Variants in TRIO observed in about 807,000 individuals in gnomAD.
The protein encoded by TRIO is triple functional domain protein.
A neutral mutation model predicts 351.9 loss-of-function variants in TRIO; 58 were observed. The observed-to-expected ratio is 0.16, with a 90% CI of 0.13 to 0.21. The LOEUF is 0.21. Ranked by LOEUF, TRIO falls within the 10% of genes least tolerant of loss-of-function variation. TRIO has a pLI of 1.00. For synonymous variants in TRIO, 1,758 were observed against 1,595.7 expected, an observed-to-expected ratio of 1.10 and a Z score of -2.42; for missense variants, 3,201 against 4,027.8, an observed-to-expected ratio of 0.79 and a Z score of 5.56.
chr5:14,289,550 C>CT (rs35139502), intron 4 of TRIO, among the ~76,000 whole-genome samples: 5 of 151,146 alleles, frequency 3.3e-5, no homozygotes, highest in Non-Finnish European at 5.9e-5. Flanking sequence ...CCTTTTTTTC[C>CT]TTTTTTAAAA....
At chr5:14,469,911 T>G (rs990955189) in intron 37 of TRIO, among the ~76,000 whole-genome samples, 2 of 152,206 alleles carry the variant, frequency 1.3e-5, no homozygotes, top group Admixed American at 1.3e-4. Context: ...TTTTTCTCAC[T>G]GTTCAAATGA....
intron 4 of TRIO, 101 bp downstream of exon 4, chr5:14,287,164 A>C: frequency 8.8e-7 from 1 of 1,139,146 alleles, no homozygotes; most frequent in Non-Finnish European, 1.3e-6. Context: ...CACATATTAA[A>C]CAGGAGCTGC....
intron 34 of TRIO, among the ~76,000 whole-genome samples, chr5:14,425,940 G>T (rs1040889824): frequency 2.0e-5 from 3 of 152,198 alleles, no homozygotes; most frequent in Admixed American, 6.5e-5. Context: ...CAGCAGGAAT[G>T]GACTAAGACA....
chr5:14,246,146 C>G (rs1376404541), intron 1 of TRIO, among the ~76,000 whole-genome samples: 2 of 152,114 alleles, frequency 1.3e-5, no homozygotes, highest in African/African-American at 4.8e-5. Context: ...TCGTTGTATC[C>G]TTTGAAACAA....
chr5:14,411,426 G>A (rs903975528), intron 33 of TRIO, among the ~76,000 whole-genome samples: 1 of 152,204 alleles, frequency 6.6e-6, no homozygotes, highest in Non-Finnish European at 1.5e-5. Flanking sequence ...CTGTGGAAAA[G>A]CCGGCCCGAG....
chr5:14,362,221 A>G (rs1161642970), intron 13 of TRIO, among the ~76,000 whole-genome samples: 2 of 152,194 alleles, frequency 1.3e-5, no homozygotes, highest in African/African-American at 4.8e-5. Context: ...AGACTGGTTA[A>G]GCTTCTTTGG....
chr5:14,382,523 G>A lies in TRIO; in HGVS notation c.3570+1271G>A, dbSNP rs564599282. ...CAAGAAGACCCGGCCCAGGGTGGGG[G>A]TGTGGTGAGCACTGGGGGAGGGCAG... On this transcript the variant is annotated intron_variant, in intron 21 of 56. Transcript: ENST00000344204. Among the ~76,000 whole-genome samples the A allele has an allele frequency of 7.9e-5, 12 of 152,266 alleles. No homozygotes were observed. In the East Asian group the frequency reaches 9.7e-4, roughly 12 times the overall value.
chr5:14,303,661 G>A (rs1363883515), intron 7 of TRIO, among the ~76,000 whole-genome samples: 3 of 151,724 alleles, frequency 2.0e-5, no homozygotes, highest in African/African-American at 4.8e-5. Flanking sequence ...ATTGAGCCAG[G>A]ATTGGGATGG....
chr5:14,258,224 C>G (rs1357012077), intron 1 of TRIO, among the ~76,000 whole-genome samples: 2 of 152,242 alleles, frequency 1.3e-5, no homozygotes, highest in East Asian at 3.9e-4. Flanking sequence ...CCTCTCCACA[C>G]CTCATCCCCA....
intron 34 of TRIO, among the ~76,000 whole-genome samples, chr5:14,423,976 G>C (rs923426330): frequency 3.0e-5 from 4 of 133,016 alleles, no homozygotes; most frequent in African/African-American, 5.9e-5. Flanking sequence ...CCAGGAGTTT[G>C]AGACTACAGT....
At chr5:14,462,025 A>G (rs894602430) in intron 35 of TRIO, among the ~76,000 whole-genome samples, 5 of 152,218 alleles carry the variant, frequency 3.3e-5, no homozygotes, top group Non-Finnish European at 4.4e-5. Flanking sequence ...GGTGGTGTCA[A>G]TGAGGGGTCC....
At chr5:14,365,549 C>T (rs1744521572) in intron 15 of TRIO, among the ~76,000 whole-genome samples, 1 of 152,184 alleles carries the variant, frequency 6.6e-6, no homozygotes, top group Non-Finnish European at 1.5e-5. Context: ...ATGCCATCTG[C>T]AGTGTGGGTA....
chr5:14,185,826 A>G (rs923596743), intron 1 of TRIO, among the ~76,000 whole-genome samples: 3 of 152,102 alleles, frequency 2.0e-5, no homozygotes, highest in African/African-American at 7.2e-5. Flanking sequence ...TTACCCAGGG[A>G]TAGTCTAGTT....
chr5:14,176,672 C>T (rs763543822), intron 1 of TRIO, among the ~76,000 whole-genome samples: 3 of 152,142 alleles, frequency 2.0e-5, no homozygotes, highest in Admixed American at 6.5e-5. Context: ...TTGCCTTGGC[C>T]GGTCTTGAAC....
intron 47 of TRIO, 106 bp downstream of exon 47, chr5:14,485,352 C>T: frequency 8.2e-7 from 1 of 1,219,524 alleles, no homozygotes; most frequent in Non-Finnish European, 1.1e-6. Context: ...GAACTTAGCA[C>T]TCACCACTCT....
intron 1 of TRIO, among the ~76,000 whole-genome samples, chr5:14,254,449 C>T (rs946730785): frequency 3.9e-5 from 6 of 152,172 alleles, no homozygotes; most frequent in African/African-American, 1.4e-4. Context: ...GGCTTCAAAC[C>T]CTCAGAAACT....
chr5:14,465,089 A>G (rs1330366661), intron 36 of TRIO, among the ~76,000 whole-genome samples: 1 of 151,948 alleles, frequency 6.6e-6, no homozygotes, highest in Non-Finnish European at 1.5e-5. Flanking sequence ...AATCCCATAA[A>G]CACAGTAAAG....
At chr5:14,418,401 G>A (rs916427969) in intron 33 of TRIO, among the ~76,000 whole-genome samples, 1 of 152,248 alleles carries the variant, frequency 6.6e-6, no homozygotes, top group Non-Finnish European at 1.5e-5. Context: ...GAGCCCCTGC[G>A]GGACCCAGTG....
chr5:14,284,247 T>C (rs1736256223), intron 3 of TRIO, among the ~76,000 whole-genome samples: 1 of 152,188 alleles, frequency 6.6e-6, no homozygotes, highest in South Asian at 2.1e-4. Flanking sequence ...GTAAAAATGC[T>C]AAAATAACTG....
Sources: gnomAD v4.1 joint callset for allele counts (sites outside exome capture counted in the v4.1 genomes callset) on GRCh38, gnomAD v4.1.1 for gene constraint, MANE v1.5 for transcripts, NCBI Gene and HGNC (gene_info 2026-07-23, HGNC 2026-07-21) for gene names.